SLC4A4: variants seen among roughly 807,000 people sequenced by gnomAD.
SLC4A4 encodes electrogenic sodium bicarbonate cotransporter 1.
A neutral mutation model predicts 111.5 loss-of-function variants in SLC4A4; 27 were observed. The observed-to-expected ratio is 0.24, with a 90% CI of 0.18 to 0.33. The LOEUF (loss-of-function observed/expected upper bound fraction) is 0.33, where lower values mean the gene tolerates loss of function less well. Among genes scored for constraint, SLC4A4 ranks in the 10% least tolerant of loss-of-function variants. The pLI is 1.00. For synonymous variants in SLC4A4, 443 were observed against 463.4 expected, an observed-to-expected ratio of 0.96 and a Z score of 0.57; for missense variants, 909 against 1,315.5, an observed-to-expected ratio of 0.69 and a Z score of 4.78.
At chr4:71,074,873 C>T (rs900423541) in intron 1 of SLC4A4, among the ~76,000 whole-genome samples, 2 of 152,190 alleles carry the variant, frequency 1.3e-5, no homozygotes, top group Non-Finnish European at 2.9e-5. Context: ...AATGACTTCA[C>T]GCTGGCACAT....
intron 8 of SLC4A4, among the ~76,000 whole-genome samples, chr4:71,447,226 G>T (rs1434386761): frequency 2.6e-5 from 4 of 152,106 alleles, no homozygotes; most frequent in African/African-American, 7.2e-5. Flanking sequence ...TGCCCATATT[G>T]GGTAAGGAAA....
In SLC4A4 at chr4:71,208,461, A is replaced by G. The variant is rs1197829400; in HGVS notation, c.-2+21060A>G. 2.0e-5 allele frequency among the ~76,000 whole-genome samples: 3 copies of G among 149,686 alleles called. No individual in the cohort carries two copies. In the East Asian group the frequency reaches 5.9e-4, roughly 29 times the overall value. ...AAAAAAAAATATATATATATATAAT[A>G]AAACAATGTTACTATTACAGGTATC... is the stretch of plus-strand genomic sequence containing the variant. On this transcript the variant is annotated intron_variant, in intron 1 of 25. Transcript: ENST00000264485.
In SLC4A4 at chr4:71,314,908, T is replaced by C. The variant is rs534642630; in HGVS notation, c.254-24462T>C. 2.7e-3 allele frequency among the ~76,000 whole-genome samples: 415 copies of C among 152,200 alleles called. 2 individuals carry two copies. Among genetic ancestry groups the C allele is most frequent in the African/African-American group, 9.7e-3 (403 of 41,522 alleles). On this transcript the variant is annotated intron_variant, in intron 3 of 25. Transcript: ENST00000264485. ...TGTAACAAACCTGATGTTCAGCACA[T>C]GTATCCCAGAACTTAAAGTAAAATA...
intron 7 of SLC4A4, among the ~76,000 whole-genome samples, chr4:71,411,416 C>A (rs1268277798): frequency 6.6e-6 from 1 of 151,944 alleles, no homozygotes; most frequent in Non-Finnish European, 1.5e-5. Context: ...TAAGCTGTTA[C>A]AGCACATGAT....
intron 4 of SLC4A4, among the ~76,000 whole-genome samples, chr4:71,349,577 A>T (rs1403202063): frequency 5.3e-5 from 8 of 152,166 alleles, no homozygotes; most frequent in African/African-American, 1.7e-4. Context: ...GAGAATTTTG[A>T]AATGCATATT....
chr4:71,485,582 T>C (rs2149129490), intron 14 of SLC4A4, among the ~76,000 whole-genome samples: 1 of 150,598 alleles, frequency 6.6e-6, no homozygotes, highest in East Asian at 2.0e-4. Context: ...CAGATAATAA[T>C]GCACATGTAC....
chr4:71,195,230 GTTTTTTTTT>G (rs66527038), intron 1 of SLC4A4, among the ~76,000 whole-genome samples: 1 of 93,174 alleles, frequency 1.1e-5, no homozygotes, highest in Non-Finnish European at 2.2e-5. Flanking sequence ...CTGTATTTGA[GTTTTTTTTT>G]TTTTTTTTTT....
At chr4:71,567,233 A>G (rs1737566716) in intron 25 of SLC4A4, 150 bp downstream of exon 25, 2 of 644,410 alleles carry the variant, frequency 3.1e-6, no homozygotes, top group Non-Finnish European at 5.4e-6. Flanking sequence ...AACTTGTTCC[A>G]GCTTTTACTA....
chr4:71,357,307 C>T (rs907486250), intron 6 of SLC4A4, 120 bp downstream of exon 6: 4 of 955,842 alleles, frequency 4.2e-6, no homozygotes, highest in Admixed American at 3.8e-5. Context: ...AGTTCATATG[C>T]CATAGTCATT....
At chr4:71,101,334 C>T (rs1324028322) in intron 2 of SLC4A4, among the ~76,000 whole-genome samples, 3 of 152,086 alleles carry the variant, frequency 2.0e-5, no homozygotes, top group Non-Finnish European at 4.4e-5. Flanking sequence ...TCATACTACC[C>T]AAAGCAATTT....
At chr4:71,303,778 C>T (rs554293859) in intron 3 of SLC4A4, among the ~76,000 whole-genome samples, 1 of 152,082 alleles carries the variant, frequency 6.6e-6, no homozygotes, top group East Asian at 1.9e-4. Context: ...CCCTCCCTCC[C>T]TTTTTTCCTT....
intron 22 of SLC4A4, among the ~76,000 whole-genome samples, chr4:71,559,681 T>G (rs1237784481): frequency 1.3e-5 from 2 of 151,860 alleles, no homozygotes; most frequent in African/African-American, 4.8e-5. Flanking sequence ...TCGTACAGAT[T>G]TTCTTGATTG....
In SLC4A4 at chr4:71,546,537, A is replaced by T; in HGVS notation, c.2621+9A>T. The T allele has an allele frequency of 3.1e-6, 5 of 1,611,134 alleles. No individual in the cohort carries two copies. Among genetic ancestry groups the T allele is most frequent in the Non-Finnish European group, 4.2e-6 (5 of 1,178,246 alleles). Reference sequence around the variant, plus strand: ...AAGTTTCTAGGAGTGAGGTGTGTTAACTCAGAGGAAAATGGCTCCCGAAAA... The same window carrying T: ...AAGTTTCTAGGAGTGAGGTGTGTTATCTCAGAGGAAAATGGCTCCCGAAAA... On this transcript the variant is annotated intron_variant, in intron 19 of 25. Transcript: ENST00000264485.
intron 16 of SLC4A4, among the ~76,000 whole-genome samples, chr4:71,507,715 C>A (rs1023058600): frequency 1.3e-5 from 2 of 152,144 alleles, no homozygotes; most frequent in Non-Finnish European, 2.9e-5. Context: ...GTATTCAAGA[C>A]CTGAACTCAG....
intron 2 of SLC4A4, among the ~76,000 whole-genome samples, chr4:71,253,365 A>T (rs561703871): frequency 2.0e-5 from 3 of 152,318 alleles, no homozygotes; most frequent in East Asian, 3.9e-4. Context: ...AATATAATTT[A>T]AAAAACCTTT....
chr4:71,553,300 A>G (rs1010533400), intron 20 of SLC4A4, among the ~76,000 whole-genome samples: 4 of 151,864 alleles, frequency 2.6e-5, no homozygotes, highest in African/African-American at 9.7e-5. Context: ...TTTGTGGTAG[A>G]TTTGGTGATA....
At chr4:71,287,859 A>G (rs1179127981) in intron 3 of SLC4A4, among the ~76,000 whole-genome samples, 1 of 152,222 alleles carries the variant, frequency 6.6e-6, no homozygotes, top group East Asian at 1.9e-4. Context: ...AACTAATTTC[A>G]TGAGAATTCA....
intron 2 of SLC4A4, among the ~76,000 whole-genome samples, chr4:71,140,308 C>T (rs1458399831): frequency 3.3e-5 from 5 of 152,050 alleles, no homozygotes; most frequent in Admixed American, 3.3e-4. Flanking sequence ...GAAGTCCCAG[C>T]TACTCAGGAG....
chr4:71,421,262 G>C (rs1001384745), intron 7 of SLC4A4, among the ~76,000 whole-genome samples: 9 of 152,202 alleles, frequency 5.9e-5, no homozygotes, highest in Non-Finnish European at 1.0e-4. Context: ...ATGTTAAAGA[G>C]ATTAATTCAA....
Sources: gnomAD v4.1 joint callset for allele counts (sites outside exome capture counted in the v4.1 genomes callset) on GRCh38, gnomAD v4.1.1 for gene constraint, MANE v1.5 for transcripts, NCBI Gene and HGNC (gene_info 2026-07-23, HGNC 2026-07-21) for gene names.